PHACTR2: variants seen among roughly 807,000 people sequenced by gnomAD.
PHACTR2 encodes chromosome 6 open reading frame 56.
Under a neutral mutation model 76.0 loss-of-function variants are expected in PHACTR2, and 30 were observed. The ratio of observed to expected loss-of-function variants is 0.39; its 90% CI spans 0.30 to 0.54. The LOEUF (loss-of-function observed/expected upper bound fraction) is 0.54. PHACTR2 is among the 20% of genes least tolerant of loss of function. The probability of loss-of-function intolerance (pLI) is 0.61; values close to 1 mark genes in which losing one functional copy is unlikely to be tolerated. For synonymous variants in PHACTR2, 292 were observed against 292.5 expected (o/e 1.00, Z 0.02); for missense variants, 696 against 781.1 (o/e 0.89, Z 1.30).
rs1183816422 is a variant in PHACTR2, at chr6:143,592,390, A to AAGGTAAGCCTAAGAAGAGGT, written c.217+55187_217+55206dup. Among the ~76,000 whole-genome samples, 2 of 152,104 alleles carry AAGGTAAGCCTAAGAAGAGGT rather than the reference A, an allele frequency of 1.3e-5. No homozygotes were observed. The highest frequency in any genetic ancestry group is 1.3e-4 in the Admixed American group (2 of 15,280). ...CTAGAGCTTTACCCAATTTCAGGAA[A>AAGGTAAGCCTAAGAAGAGGT]AGGTAAGCCTAAGAAGAGGTAGGGA... On this transcript the variant is annotated intron_variant, in intron 1 of 11. Transcript: ENST00000367584. The surrounding 1 kb of genome is among the most constrained non-coding windows in gnomAD (Gnocchi z 4.0).
rs1013489992 is a variant in PHACTR2, at chr6:143,656,106, C to G, written c.13+47784C>G. On this transcript the variant is annotated intron_variant, in intron 1 of 11. Coordinates refer to the PHACTR2 transcript ENST00000305766. This position sits in a 1 kb window ranked among gnomAD's most constrained non-coding sequence, Gnocchi z 5.3. The stretch of plus-strand genomic sequence containing the variant: ...GGTAAATCGTGGGATAAAATACACT[C>G]ATTGACTTTCTTCTCCAAGCCAAAC... Among the ~76,000 whole-genome samples the G allele has an allele frequency of 6.6e-6, 1 of 152,152 alleles. No individual in the cohort carries two copies. The highest frequency in any genetic ancestry group is 1.5e-5 in the Non-Finnish European group (1 of 68,026).
rs528143878 is a variant in PHACTR2, at chr6:143,720,394, T to A, written c.214+8211T>A. On this transcript the variant is annotated intron_variant, in intron 2 of 12. Coordinates refer to ENST00000440869, the MANE Select transcript of PHACTR2 (RefSeq NM_001100164.2). ...AGAATATGGGAGGGAGGTTACAGTT[T>A]CAAATCGGGAAATGTTCCTGGGAAG... Among the ~76,000 whole-genome samples the A allele has an allele frequency of 2.0e-5, 3 of 152,190 alleles. No homozygotes were observed. In the South Asian group the frequency reaches 6.2e-4, roughly 32 times the overall value.
intron 7 of PHACTR2, among the ~76,000 whole-genome samples, chr6:143,773,742 C>A (rs57186895): frequency 0.13 from 19,805 of 152,204 alleles, 1,642 homozygotes; most frequent in East Asian, 0.36. Flanking sequence ...ATTGTGCAAT[C>A]ATTCATTTCT....
intron 11 of PHACTR2, among the ~76,000 whole-genome samples, chr6:143,805,197 C>T (rs903814287): frequency 2.0e-5 from 3 of 152,024 alleles, no homozygotes; most frequent in Admixed American, 6.6e-5. Flanking sequence ...TACCTCCTTT[C>T]GGCCGGGCAC....
intron 1 of PHACTR2, among the ~76,000 whole-genome samples, chr6:143,692,018 T>A (rs1194357850): frequency 6.6e-6 from 1 of 152,332 alleles, no homozygotes; most frequent in African/African-American, 2.4e-5. Flanking sequence ...TTGCCCACTG[T>A]GAAGTAAATT....
intron 1 of PHACTR2, among the ~76,000 whole-genome samples, chr6:143,644,327 G>A (rs973824450): frequency 2.0e-5 from 3 of 152,028 alleles, no homozygotes; most frequent in Non-Finnish European, 4.4e-5. Flanking sequence ...AATGAGCCGG[G>A]CATGGTGGCG....
At chr6:143,796,367 A>G (rs1303679634) in intron 11 of PHACTR2, among the ~76,000 whole-genome samples, 1 of 146,628 alleles carries the variant, frequency 6.8e-6, no homozygotes, top group African/African-American at 2.5e-5. Flanking sequence ...CAAGGTCTGC[A>G]TTTTCTTTTT....
At chr6:143,741,782 C>T (rs988031570) in intron 2 of PHACTR2, among the ~76,000 whole-genome samples, 4 of 152,034 alleles carry the variant, frequency 2.6e-5, no homozygotes, top group Admixed American at 6.6e-5. Flanking sequence ...TCTGTGGTGA[C>T]TACTGGAAGA....
In PHACTR2 at chr6:143,755,122, C is replaced by T. The variant is rs1285857507; in HGVS notation, c.454+1210C>T. ...TTCAAGGGCTTTATCTAGCCTTGTT[C>T]CATTGAAGGACTCTGGTTAAGCTTA... On this transcript the variant is annotated intron_variant, in intron 4 of 12. Coordinates refer to ENST00000440869, the MANE Select transcript of PHACTR2 (RefSeq NM_001100164.2). The surrounding 1 kb of genome is among the most constrained non-coding windows in gnomAD (Gnocchi z 5.2). 3.3e-5 allele frequency among the ~76,000 whole-genome samples: 5 copies of T among 152,066 alleles called. No individual in the cohort carries two copies. The highest frequency in any genetic ancestry group is 3.3e-4 in the Admixed American group (5 of 15,272).
intron 12 of PHACTR2, among the ~76,000 whole-genome samples, chr6:143,810,310 T>C (rs1226601025): frequency 2.0e-5 from 3 of 152,188 alleles, no homozygotes; most frequent in African/African-American, 7.2e-5. Flanking sequence ...CCAGTATTTC[T>C]GTGGTAGTCC....
Position 143,684,565 on chromosome 6 carries a change from T to G in PHACTR2, c.46+6356T>G, listed in dbSNP as rs1210908114. ...AAAAGATTTGTGTGTTTTATTTTGATAGACTTTGCTACATTATTCTCAAAG... is the reference window on the plus strand; with the variant it reads ...AAAAGATTTGTGTGTTTTATTTTGAGAGACTTTGCTACATTATTCTCAAAG... On this transcript the variant is annotated intron_variant, in intron 1 of 12. Coordinates refer to ENST00000440869, the MANE Select transcript of PHACTR2 (RefSeq NM_001100164.2). The surrounding 1 kb of genome is among the most constrained non-coding windows in gnomAD (Gnocchi z 4.3). Among the ~76,000 whole-genome samples the G allele has an allele frequency of 6.6e-6, 1 of 152,242 alleles. No homozygotes were observed. The highest frequency in any genetic ancestry group is 1.5e-5 in the Non-Finnish European group (1 of 68,036).
rs1427617938 is a variant in PHACTR2, at chr6:143,830,112, G to A, written c.*6423G>A. 1 of 152,104 alleles carries A rather than the reference G, an allele frequency of 6.6e-6. No individual in the cohort carries two copies. Among genetic ancestry groups the A allele is most frequent in the Non-Finnish European group, 1.5e-5 (1 of 68,014 alleles). The allele number at this position is 152,104 out of a possible 1,614,324, so 9.4% of individuals were successfully genotyped here. The stretch of plus-strand genomic sequence containing the variant: ...ACTCGCCTTCAGAAATAATCAGAAT[G>A]ATTCAAGGGTCAAACCACTTTCATC... On this transcript the variant is annotated 3_prime_UTR_variant, in exon 13 of 13. Coordinates refer to ENST00000440869, the MANE Select transcript of PHACTR2 (RefSeq NM_001100164.2).
chr6:143,743,551 A>G lies in PHACTR2; in HGVS notation c.215-5434A>G, dbSNP rs373403496. Among the ~76,000 whole-genome samples, 19 of 152,334 alleles carry G rather than the reference A, an allele frequency of 1.2e-4. No homozygotes were observed. In the East Asian group the frequency reaches 3.3e-3, roughly 26 times the overall value. ...GCAAATGTCCTGTTGGGTGGCATTGAAGCGGTTGTTTCTTTAAATGACTTA... is the reference window on the plus strand; with the variant it reads ...GCAAATGTCCTGTTGGGTGGCATTGGAGCGGTTGTTTCTTTAAATGACTTA... On this transcript the variant is annotated intron_variant, in intron 2 of 12. Coordinates refer to ENST00000440869, the MANE Select transcript of PHACTR2 (RefSeq NM_001100164.2). The surrounding 1 kb of genome is among the most constrained non-coding windows in gnomAD (Gnocchi z 5.0).
chr6:143,560,954 G>A (rs1216213138), intron 1 of PHACTR2, among the ~76,000 whole-genome samples: 2 of 149,324 alleles, frequency 1.3e-5, no homozygotes, highest in East Asian at 2.0e-4. Flanking sequence ...GGAGGGTAAT[G>A]TCAAGAGTTG....
At position 143,776,415 on chromosome 6, in the gene PHACTR2, A is replaced by G. The variant is rs982470812; in HGVS notation, c.1590-913A>G. The stretch of plus-strand genomic sequence containing the variant: ...AGATTAACCTATAAAAATCAACATT[A>G]TGTTTATATAACATTGTTACATAGA... On this transcript the variant is annotated intron_variant, in intron 8 of 12. Coordinates refer to ENST00000440869, the MANE Select transcript of PHACTR2 (RefSeq NM_001100164.2). The surrounding 1 kb of genome is among the most constrained non-coding windows in gnomAD (Gnocchi z 5.3). 6.6e-6 allele frequency among the ~76,000 whole-genome samples: 1 copy of G among 152,262 alleles called. No homozygotes were observed. Among genetic ancestry groups the G allele is most frequent in the Non-Finnish European group, 1.5e-5 (1 of 68,056 alleles).
At chr6:143,713,930 C>A (rs950687716) in intron 2 of PHACTR2, among the ~76,000 whole-genome samples, 1 of 152,128 alleles carries the variant, frequency 6.6e-6, no homozygotes, top group Admixed American at 6.6e-5. Context: ...ACATAAGATA[C>A]AAAATGGTGT....
Position 143,662,538 on chromosome 6 carries a change from A to G in PHACTR2, c.14-49478A>G, listed in dbSNP as rs1776963530. On this transcript the variant is annotated intron_variant, in intron 1 of 11. Coordinates refer to the PHACTR2 transcript ENST00000305766. The surrounding 1 kb of genome is among the most constrained non-coding windows in gnomAD (Gnocchi z 4.7). ...AGGAGTTCTTCATCTGTTTTTAGTT[A>G]TAAAATGCTGAACTATTGAATAATG... Among the ~76,000 whole-genome samples the G allele has an allele frequency of 1.3e-5, 2 of 152,194 alleles. No individual in the cohort carries two copies. Among genetic ancestry groups the G allele is most frequent in the Non-Finnish European group, 2.9e-5 (2 of 68,034 alleles).
intron 1 of PHACTR2, among the ~76,000 whole-genome samples, chr6:143,576,053 G>A (rs1197932132): frequency 6.6e-6 from 1 of 152,232 alleles, no homozygotes; most frequent in Non-Finnish European, 1.5e-5. Flanking sequence ...CTAAATTGAT[G>A]TCCAACAGAA....
At chr6:143,706,883 G>A (rs1325525817) in intron 1 of PHACTR2, among the ~76,000 whole-genome samples, 1 of 152,174 alleles carries the variant, frequency 6.6e-6, no homozygotes, top group Non-Finnish European at 1.5e-5. Flanking sequence ...TATACCATCA[G>A]TTCACCCTAA....
Sources: gnomAD v4.1 joint callset for allele counts (sites outside exome capture counted in the v4.1 genomes callset) on GRCh38, gnomAD v4.1.1 for gene constraint, Gnocchi (gnomAD v3.1) non-coding constraint, MANE v1.5 for transcripts, NCBI Gene and HGNC (gene_info 2026-07-23, HGNC 2026-07-21) for gene names.